Variants in PCDHAC2 observed in about 807,000 individuals in gnomAD.
PCDHAC2 encodes the protein protocadherin alpha-C2.
In PCDHAC2, 24 loss-of-function variants were observed where a neutral mutation model predicts 63.3. The observed-to-expected ratio is 0.38, with a 90% CI of 0.27 to 0.53. The LOEUF is 0.53. Among genes scored for constraint, PCDHAC2 ranks in the 20% least tolerant of loss-of-function variants. The pLI, the probability that PCDHAC2 is intolerant of heterozygous loss-of-function variation, is 0.81. For synonymous variants in PCDHAC2, 569 were observed against 529.4 expected (o/e 1.07, Z -1.03); for missense variants, 1,181 against 1,275.2 (o/e 0.93, Z 1.12).
At chr5:140,989,940 G>A (rs947716591) in intron 3 of PCDHAC2, among the ~76,000 whole-genome samples, 9 of 152,062 alleles carry the variant, frequency 5.9e-5, no homozygotes, top group Admixed American at 1.3e-4. Flanking sequence ...GACATTCCAC[G>A]TTTTTCTCGG....
At chr5:140,989,747 G>A (rs1554251066) in intron 3 of PCDHAC2, among the ~76,000 whole-genome samples, 1 of 152,166 alleles carries the variant, frequency 6.6e-6, no homozygotes, top group African/African-American at 2.4e-5. Flanking sequence ...TGCCTAATCT[G>A]GAGAAACATA....
rs199624636 is a variant in PCDHAC2, at chr5:141,009,721, C to T, written c.2808C>T (p.Ser936=). The change falls in exon 4 of 4, where the codon TCC becomes TCT. Residue 936 remains serine (S), a synonymous_variant. Coordinates refer to ENST00000289269, the MANE Select transcript of PCDHAC2 (RefSeq NM_018899.6). ...FKYGPGNPKQ[S]GPGELPDKFI... ...ACGGACCAGGCAACCCCAAACAATCCGGTCCCGGTGAGTTGCCCGACAAAT... is the reference window on the plus strand; with the variant it reads ...ACGGACCAGGCAACCCCAAACAATCTGGTCCCGGTGAGTTGCCCGACAAAT... 1.3e-5 allele frequency: 21 copies of T among 1,614,012 alleles called. No individual in the cohort carries two copies. The highest frequency in any genetic ancestry group is 1.7e-5 in the Non-Finnish European group (20 of 1,180,038).
chr5:141,008,530 A>G (rs1176119695), intron 3 of PCDHAC2, among the ~76,000 whole-genome samples: 2 of 152,128 alleles, frequency 1.3e-5, no homozygotes, highest in African/African-American at 4.8e-5. Context: ...ACTCTTGGGA[A>G]TGTCTTTTAT....
rs2096011889 is a variant in PCDHAC2 at position 140,966,505 on chromosome 5, A to C, written c.-262A>C. On this transcript the variant is annotated 5_prime_UTR_variant, in exon 1 of 4. Coordinates refer to ENST00000289269, the MANE Select transcript of PCDHAC2 (RefSeq NM_018899.6). ...TCCCTCCCCCTGGAGCTGTAGCGGC[A>C]GCAGCAGCAGGAAGCCGAGCCGGGT... The C allele has an allele frequency of 4.7e-6, 2 of 427,984 alleles. No homozygotes were observed. The highest frequency in any genetic ancestry group is 8.1e-6 in the Non-Finnish European group (2 of 246,152). The allele number at this position is 427,984 out of a possible 1,614,324, so 26.5% of individuals were successfully genotyped here. A position where few individuals can be genotyped will look rare whatever the true frequency, so the allele number is the denominator to read the frequency against.
At chr5:141,007,402 A>G in intron 3 of PCDHAC2, among the ~76,000 whole-genome samples, 2 of 149,740 alleles carry the variant, frequency 1.3e-5, no homozygotes. Context: ...ATACAAAAAA[A>G]AAAAAAAAAA....
chr5:140,969,454 A>T, intron 1 of PCDHAC2, 123 bp downstream of exon 1: 1 of 1,511,824 alleles, frequency 6.6e-7, no homozygotes. Flanking sequence ...AACTGAGTAT[A>T]TATAGTATCC....
rs1234661148 is a variant in PCDHAC2, at chr5:141,010,706, T to C, written c.*769T>C. 2 of 155,338 alleles carry C rather than the reference T, an allele frequency of 1.3e-5. No individual in the cohort carries two copies. Among genetic ancestry groups the C allele is most frequent in the African/African-American group, 4.8e-5 (2 of 41,492 alleles). The allele number at this position is 155,338 out of a possible 1,614,324, so 9.6% of individuals were successfully genotyped here. A position where few individuals can be genotyped will look rare whatever the true frequency, so the allele number is the denominator to read the frequency against. The stretch of plus-strand genomic sequence containing the variant: ...AGATCTGATGTGTTTCCTATACATG[T>C]CCTGTGCTCACTTTATTAAAAATTC... On this transcript the variant is annotated 3_prime_UTR_variant, in exon 4 of 4. Transcript: ENST00000289269.
chr5:141,006,365 C>A, intron 3 of PCDHAC2, among the ~76,000 whole-genome samples: 1 of 151,966 alleles, frequency 6.6e-6, no homozygotes, highest in East Asian at 1.9e-4. Flanking sequence ...GCGCCCACCA[C>A]CACGCCCGGC....
At position 141,011,003 on chromosome 5, in the gene PCDHAC2, C is replaced by G. The variant is rs748731648; in HGVS notation, c.*1066C>G. 2.0e-5 allele frequency: 3 copies of G among 153,824 alleles called. No homozygotes were observed. In the South Asian group the frequency reaches 6.2e-4, roughly 32 times the overall value. 9.5% of individuals were successfully genotyped at this position (153,824 alleles called of 1,614,324 possible). On this transcript the variant is annotated 3_prime_UTR_variant, in exon 4 of 4. Coordinates refer to ENST00000289269, the MANE Select transcript of PCDHAC2 (RefSeq NM_018899.6). ...ATTGCCTGAAACATCTGTATTATAT[C>G]GGCCACCTGCCAATCACAGCTTTAC...
intron 3 of PCDHAC2, among the ~76,000 whole-genome samples, chr5:141,008,824 T>C (rs1042258496): frequency 6.6e-6 from 1 of 152,186 alleles, no homozygotes; most frequent in African/African-American, 2.4e-5. Flanking sequence ...TACAACAGGA[T>C]TCCATCCTCT....
intron 3 of PCDHAC2, among the ~76,000 whole-genome samples, chr5:140,988,180 G>C (rs2097285964): frequency 1.3e-5 from 2 of 152,134 alleles, no homozygotes; most frequent in Admixed American, 1.3e-4. Context: ...TGACAGTCCT[G>C]GGAGGTGTGT....
chr5:140,982,706 T>C, intron 3 of PCDHAC2, 143 bp downstream of exon 3: 1 of 1,375,170 alleles, frequency 7.3e-7, no homozygotes, highest in Admixed American at 2.9e-5. Flanking sequence ...ATGATTTCCT[T>C]ACATATATGA....
intron 3 of PCDHAC2, among the ~76,000 whole-genome samples, chr5:141,000,339 A>ATC (rs1414297743): frequency 9.8e-6 from 1 of 102,338 alleles, no homozygotes; most frequent in Non-Finnish European, 2.1e-5. Context: ...GCAAGGCCCT[A>ATC]TCTCTCTCTC....
intron 1 of PCDHAC2, among the ~76,000 whole-genome samples, chr5:140,972,103 CA>C (rs1388508761): frequency 2.0e-5 from 3 of 152,104 alleles, no homozygotes; most frequent in Non-Finnish European, 4.4e-5. Context: ...GGCATAGAAG[CA>C]GGTAACAAAT....
At position 140,968,616 on chromosome 5, in the gene PCDHAC2, A is replaced by G. The variant is rs782318101; in HGVS notation, c.1850A>G (p.Asn617Ser). Residue 617 changes from asparagine (N) to serine (S), a missense_variant, in exon 1 of 4, where the codon AAT becomes AGT. Physicochemically the swap from Asn to Ser is conservative, Grantham distance 46. Around this residue, in one of 3 missense-constraint regions of PCDHAC2, gnomAD observed 968 missense variants for 1,073.5 expected, o/e 0.90. Transcript: ENST00000289269. ...GCTATGGACTCAGACTCTGGGCAAA[A>G]TGCTTGGCTTTTTTACCATCTAGCC... ...VIAMDSDSGQ[N>S]AWLFYHLAQT... 6.2e-7 allele frequency: 1 copy of G among 1,614,154 alleles called. No homozygotes were observed. The highest frequency in any genetic ancestry group is 1.7e-5 in the Admixed American group (1 of 60,020).
chr5:140,991,844 C>T (rs892318388), intron 3 of PCDHAC2, among the ~76,000 whole-genome samples: 2 of 152,334 alleles, frequency 1.3e-5, no homozygotes, highest in Middle Eastern at 6.8e-3. Flanking sequence ...AACCGCACTT[C>T]CAGATACCAA....
Position 140,967,330 on chromosome 5 carries a change from C to G in PCDHAC2, c.564C>G (p.Ser188Arg). The G allele has an allele frequency of 6.2e-7, 1 of 1,608,074 alleles. No homozygotes were observed. Among genetic ancestry groups the G allele is most frequent in the South Asian group, 1.1e-5 (1 of 90,808 alleles). The change falls in exon 1 of 4, where the codon AGC becomes AGG. Residue 188 changes from serine to arginine, a missense_variant. By Grantham distance (110) the Ser-to-Arg change is moderately radical. Around this residue, in one of 3 missense-constraint regions of PCDHAC2, gnomAD observed 968 missense variants for 1,073.5 expected, o/e 0.90. Transcript: ENST00000289269. ...GANSVQTYEL[S>R]PSEHFELDLK... ...ACTCAGTACAGACCTACGAGCTCAG[C>G]CCCAGCGAGCACTTCGAGCTGGACC...
intron 3 of PCDHAC2, among the ~76,000 whole-genome samples, chr5:140,985,932 G>A (rs1554247524): frequency 6.6e-6 from 1 of 151,798 alleles, no homozygotes; most frequent in African/African-American, 2.4e-5. Flanking sequence ...GTAGAGCCGG[G>A]GTTTCACTGT....
chr5:140,993,463 CACA>C (rs1563592017), intron 3 of PCDHAC2, among the ~76,000 whole-genome samples: 29 of 7,582 alleles, frequency 3.8e-3, no homozygotes, highest in African/African-American at 0.016. Flanking sequence ...CTTTCTTTCT[CACA>C]CACACACACA....
Sources: allele counts gnomAD v4.1 joint callset (sites outside exome capture counted in the v4.1 genomes callset), GRCh38; gene constraint gnomAD v4.1.1; regional missense constraint gnomAD v4.1.1; transcripts MANE v1.5; gene names NCBI Gene and HGNC (gene_info 2026-07-23, HGNC 2026-07-21).